The following HMOX2 variants were observed in gnomAD, a reference collection of about 807,000 sequenced individuals.
HMOX2 encodes heme oxygenase (decycling) 2.
In HMOX2, 30 loss-of-function variants were observed where a neutral mutation model predicts 33.7. The ratio of observed to expected loss-of-function variants is 0.89; its 90% confidence interval spans 0.67 to 1.21. HMOX2 has a LOEUF of 1.21. HMOX2 is among the 50% of genes most tolerant of loss of function. The probability of loss-of-function intolerance (pLI) is 0.00; values close to 1 mark genes in which losing one functional copy is unlikely to be tolerated. For synonymous variants in HMOX2, 155 were observed against 155.0 expected, an observed-to-expected ratio of 1.00 and a Z score of 0.00; for missense variants, 403 against 399.1, an observed-to-expected ratio of 1.01 and a Z score of -0.08.
At chr16:4,501,146 C>T (rs768284615) in intron 1 of HMOX2, among the ~76,000 whole-genome samples, 3 of 152,082 alleles carry the variant, frequency 2.0e-5, no homozygotes, top group African/African-American at 4.8e-5. Context: ...CCCTTCCCTT[C>T]GCTGCCTTCC....
At chr16:4,495,386 GCA>G (rs2058394382) in intron 1 of HMOX2, 1 of 152,218 alleles carries the variant, frequency 6.6e-6, no homozygotes, top group Non-Finnish European at 1.5e-5. Flanking sequence ...CCCACCATAG[GCA>G]CAGTCTATGT....
chr16:4,488,087 C>T (rs1268176911), intron 1 of HMOX2, among the ~76,000 whole-genome samples: 1 of 147,300 alleles, frequency 6.8e-6, no homozygotes, highest in Non-Finnish European at 1.5e-5. Flanking sequence ...CGTGCCATTG[C>T]ACTCCATTGT....
At chr16:4,479,855 C>T (rs1238087656) in intron 1 of HMOX2, among the ~76,000 whole-genome samples, 2 of 148,816 alleles carry the variant, frequency 1.3e-5, no homozygotes, top group Non-Finnish European at 3.0e-5. Flanking sequence ...TCTCCAGCCT[C>T]AGTCTCCTGA....
intron 1 of HMOX2, among the ~76,000 whole-genome samples, chr16:4,498,238 T>A (rs888783070): frequency 3.3e-5 from 5 of 151,950 alleles, no homozygotes; most frequent in Non-Finnish European, 5.9e-5. Context: ...CTAATTTTTT[T>A]ATATTTTTAG....
At chr16:4,509,373 C>A in intron 4 of HMOX2, 39 bp from the exon 5 acceptor site, 1 of 1,583,828 alleles carries the variant, frequency 6.3e-7, no homozygotes, top group Admixed American at 1.9e-5. Context: ...AAAGTATGGG[C>A]AGCCCAAAGA....
upstream of HMOX2, among the ~76,000 whole-genome samples, chr16:4,475,442 G>T (rs2057793720): frequency 6.6e-6 from 1 of 151,658 alleles, no homozygotes; most frequent in African/African-American, 2.4e-5. Flanking sequence ...TGAGTAGCTG[G>T]GATTACAGGC....
chr16:4,487,817 G>A (rs1428709554), intron 1 of HMOX2, among the ~76,000 whole-genome samples: 3 of 151,618 alleles, frequency 2.0e-5, no homozygotes, highest in Non-Finnish European at 2.9e-5. Flanking sequence ...CGGGCGCGGT[G>A]GCATATGCCT....
intron 2 of HMOX2, 149 bp downstream of exon 2, chr16:4,505,759 C>T (rs772522472): frequency 1.4e-4 from 79 of 566,488 alleles, no homozygotes; most frequent in Admixed American, 3.8e-4. Flanking sequence ...CTGCAGGGAC[C>T]GCATACAGCT....
intron 1 of HMOX2, among the ~76,000 whole-genome samples, chr16:4,483,455 T>C (rs2058083579): frequency 6.6e-6 from 1 of 151,738 alleles, no homozygotes; most frequent in African/African-American, 2.4e-5. Context: ...TTCCAAGGGA[T>C]TTAGGAAATT....
rs759044956 is a variant in HMOX2, at chr16:4,507,793, C to T, written c.285C>T (p.Ala95=). 2.5e-6 allele frequency: 4 copies of T among 1,614,168 alleles called. No individual in the cohort carries two copies. Residue 95 remains alanine, a synonymous_variant, in exon 4 of 6, where the codon GCC becomes GCT. Transcript: ENST00000570646. ...MERNKDHPAF[A]PLYFPMELHR... The stretch of plus-strand genomic sequence containing the variant: ...GCAACAAGGACCATCCAGCCTTTGC[C>T]CCTTTGTACTTCCCCATGGAGCTGC...
chr16:4,477,684 C>T (rs933930993), intron 1 of HMOX2, among the ~76,000 whole-genome samples: 2 of 151,548 alleles, frequency 1.3e-5, no homozygotes, highest in African/African-American at 4.9e-5. Context: ...TTTGGGAGGC[C>T]GAGGCAGGCG....
intron 1 of HMOX2, among the ~76,000 whole-genome samples, chr16:4,484,102 G>C (rs2058102405): frequency 6.6e-6 from 1 of 151,262 alleles, no homozygotes; most frequent in Non-Finnish European, 1.5e-5. Flanking sequence ...AGCCTCCCGA[G>C]TAGCTGGGAC....
intron 1 of HMOX2, among the ~76,000 whole-genome samples, chr16:4,498,275 C>T (rs1035828593): frequency 6.6e-6 from 1 of 151,866 alleles, no homozygotes; most frequent in African/African-American, 2.4e-5. Flanking sequence ...CCATGTTGGC[C>T]AGGCTGGTCT....
intron 1 of HMOX2, among the ~76,000 whole-genome samples, chr16:4,481,137 G>C (rs771534069): frequency 1.3e-5 from 2 of 151,196 alleles, no homozygotes. Context: ...ACGAGGTCAG[G>C]AGATCGAGAC....
intron 1 of HMOX2, among the ~76,000 whole-genome samples, chr16:4,501,057 C>T (rs1005685094): frequency 1.3e-5 from 2 of 152,116 alleles, no homozygotes; most frequent in African/African-American, 4.8e-5. Flanking sequence ...CCAGGAGCTT[C>T]CATTGACTAG....
rs191574864 is a variant in HMOX2, at chr16:4,480,490, G to A, written c.-42+4003G>A. ...CTCCCTAGTAGCTGGGATTACAGGT[G>A]TGTGCCACCACACCCAGTTAATTTT... On this transcript the variant is annotated intron_variant, in intron 1 of 5. Transcript: ENST00000570646. Among the ~76,000 whole-genome samples the A allele has an allele frequency of 2.0e-3, 310 of 151,356 alleles. 1 individual carries two copies. The highest frequency in any genetic ancestry group is 7.0e-3 in the African/African-American group (287 of 41,216).
At chr16:4,475,781 A>C (rs2141484791), upstream of HMOX2, 1 of 152,176 alleles carries the variant, frequency 6.6e-6, no homozygotes, top group African/African-American at 2.4e-5. Flanking sequence ...TCTACTAAAA[A>C]TACAAAAATT....
chr16:4,478,070 T>C (rs1006214173), intron 1 of HMOX2, among the ~76,000 whole-genome samples: 28 of 152,332 alleles, frequency 1.8e-4, no homozygotes, highest in African/African-American at 6.5e-4. Context: ...TGGGAATTTG[T>C]GGAGCCTTGG....
intron 1 of HMOX2, among the ~76,000 whole-genome samples, chr16:4,498,067 T>C (rs1483027804): frequency 7.0e-6 from 1 of 142,574 alleles, no homozygotes; most frequent in Admixed American, 6.9e-5. Context: ...TTGTCTTTTT[T>C]TTTTTTTTTT....
Sources: gnomAD v4.1 joint callset for allele counts (sites outside exome capture counted in the v4.1 genomes callset) on GRCh38, gnomAD v4.1.1 for gene constraint, MANE v1.5 for transcripts, NCBI Gene and HGNC (gene_info 2026-07-23, HGNC 2026-07-21) for gene names.